Variants in LSAMP observed in about 807,000 individuals in gnomAD.
LSAMP encodes limbic system associated membrane protein.
In LSAMP, 7 loss-of-function variants were observed where a neutral mutation model predicts 38.6. The observed-to-expected ratio is 0.18, with a 90% confidence interval of 0.10 to 0.34. The LOEUF is 0.34. Among genes scored for constraint, LSAMP ranks in the 10% least tolerant of loss-of-function variants. The pLI, the probability that LSAMP is intolerant of heterozygous loss-of-function variation, is 1.00. For synonymous variants in LSAMP, 154 were observed against 166.8 expected (o/e 0.92, Z 0.59); for missense variants, 313 against 420.0 (o/e 0.75, Z 2.23).
At chr3:115,816,126 C>T (rs1210237500) in intron 6 of LSAMP, among the ~76,000 whole-genome samples, 1 of 152,088 alleles carries the variant, frequency 6.6e-6, no homozygotes, top group East Asian at 1.9e-4. Flanking sequence ...TGGCTCTGGT[C>T]TGGGGTTAGA....
At chr3:116,304,311 T>TA (rs2047453604) in intron 1 of LSAMP, among the ~76,000 whole-genome samples, 1 of 152,110 alleles carries the variant, frequency 6.6e-6, no homozygotes, top group South Asian at 2.1e-4. Context: ...TATGTAAAGA[T>TA]ATTGGGCTTG....
chr3:116,411,705 A>G (rs1383238360), intron 1 of LSAMP, among the ~76,000 whole-genome samples: 1 of 151,058 alleles, frequency 6.6e-6, no homozygotes, highest in East Asian at 2.0e-4. Flanking sequence ...GCAGCACACC[A>G]GCATGGCACA....
At chr3:115,898,714 A>G (rs1006600131) in intron 3 of LSAMP, among the ~76,000 whole-genome samples, 2 of 151,946 alleles carry the variant, frequency 1.3e-5, no homozygotes, top group Non-Finnish European at 2.9e-5. Context: ...CTCCCTGGCT[A>G]TGACTGAATC....
chr3:115,930,215 A>G (rs1178563280), intron 3 of LSAMP, among the ~76,000 whole-genome samples: 2 of 152,006 alleles, frequency 1.3e-5, no homozygotes, highest in Admixed American at 1.3e-4. Context: ...TTACCAAAAT[A>G]ACCTCCTTCA....
At chr3:115,830,829 G>A (rs1410213445) in intron 6 of LSAMP, among the ~76,000 whole-genome samples, 3 of 152,126 alleles carry the variant, frequency 2.0e-5, no homozygotes, top group African/African-American at 4.8e-5. Flanking sequence ...TTTCAAGAAT[G>A]TATTACTGGG....
chr3:116,257,456 A>T (rs2046766573), intron 1 of LSAMP, among the ~76,000 whole-genome samples: 1 of 152,156 alleles, frequency 6.6e-6, no homozygotes, highest in African/African-American at 2.4e-5. Flanking sequence ...GCAGTCATAC[A>T]AGATTCAATT....
In LSAMP at chr3:116,297,763, A is replaced by G. The variant is rs183095387; in HGVS notation, c.155+147114T>C. On this transcript the variant is annotated intron_variant, in intron 1 of 6. Transcript: ENST00000490035. ...TCTGTACATTGGTTTATTTGTATGT[A>G]ATAAAAATAAAATAGGTGAAAATTA... Among the ~76,000 whole-genome samples, 55 of 152,366 alleles carry G rather than the reference A, an allele frequency of 3.6e-4. 1 individual carries two copies. Among genetic ancestry groups the G allele is most frequent in the Admixed American group, 1.4e-3 (21 of 15,302 alleles).
chr3:116,186,830 G>A (rs1710630397), intron 1 of LSAMP, among the ~76,000 whole-genome samples: 1 of 152,082 alleles, frequency 6.6e-6, no homozygotes, highest in South Asian at 2.1e-4. Flanking sequence ...AGCAGGGCTT[G>A]CATCAACTGG....
rs778156926 is a variant in LSAMP at position 116,086,553 on chromosome 3, G to A, written c.159C>T (p.Cys53=). 31 of 1,612,790 alleles carry A rather than the reference G, an allele frequency of 1.9e-5. No individual in the cohort carries two copies. Among genetic ancestry groups the A allele is most frequent in the Admixed American group, 8.3e-5 (5 of 59,994 alleles). Residue 53 remains cysteine, a synonymous_variant, in exon 2 of 7, where the codon TGC becomes TGT. Coordinates refer to ENST00000490035, the MANE Select transcript of LSAMP (RefSeq NM_002338.5). ...VRQGDTAILR[C]VVEDKNSKVA... is the part of the protein sequence containing the mutation. ...CCTTTGAGTTCTTGTCTTCTACAAC[G>A]CACCTGACAGAGCAGAGTAACAATA...
At chr3:116,310,038 G>A (rs2047535381) in intron 1 of LSAMP, among the ~76,000 whole-genome samples, 1 of 152,092 alleles carries the variant, frequency 6.6e-6, no homozygotes, top group Admixed American at 6.6e-5. Flanking sequence ...CTTTGGATTT[G>A]ATTCCTCATA....
At chr3:116,301,767 G>T (rs1280614933) in intron 1 of LSAMP, among the ~76,000 whole-genome samples, 9 of 152,176 alleles carry the variant, frequency 5.9e-5, no homozygotes, top group Admixed American at 5.9e-4. Flanking sequence ...ATAAAATTAT[G>T]AGTTTAAAAC....
intron 3 of LSAMP, among the ~76,000 whole-genome samples, chr3:115,876,933 C>G (rs149810070): frequency 1.3e-5 from 2 of 152,118 alleles, no homozygotes; most frequent in East Asian, 3.9e-4. Flanking sequence ...ACTGTCCACA[C>G]TCTCTCCCCT....
intron 3 of LSAMP, among the ~76,000 whole-genome samples, chr3:115,917,554 T>C (rs1937278926): frequency 6.6e-6 from 1 of 152,126 alleles, no homozygotes; most frequent in South Asian, 2.1e-4. Context: ...TTTTTCAGCA[T>C]CCCTAAAGGT....
intron 6 of LSAMP, among the ~76,000 whole-genome samples, chr3:115,827,938 T>C (rs1395564344): frequency 1.3e-5 from 2 of 152,208 alleles, no homozygotes; most frequent in Non-Finnish European, 1.5e-5. Flanking sequence ...TTTTTTAGTT[T>C]AATACCTACA....
rs532156003 is a variant in LSAMP at position 116,422,593 on chromosome 3, A to G, written c.155+22284T>C. Among the ~76,000 whole-genome samples the G allele has an allele frequency of 2.0e-4, 31 of 152,292 alleles. No individual in the cohort carries two copies. The South Asian group carries it at 4.3e-3, about 21-fold the overall frequency. ...AGGTTGCCCAGAGTCTGGAGTACAA[A>G]TGGGGACTGACTAAAGGTGGGCATG... On this transcript the variant is annotated intron_variant, in intron 1 of 6. Transcript: ENST00000490035.
intron 6 of LSAMP, 139 bp downstream of exon 6, chr3:115,841,706 C>A (rs1042442464): frequency 3.8e-5 from 32 of 847,738 alleles, no homozygotes; most frequent in Non-Finnish European, 8.7e-6. Context: ...GAGTTGAGAA[C>A]CCTGTATTTT....
chr3:116,280,015 C>T (rs1452098992), intron 1 of LSAMP, among the ~76,000 whole-genome samples: 1 of 151,934 alleles, frequency 6.6e-6, no homozygotes, highest in Non-Finnish European at 1.5e-5. Context: ...CAGGCATTTA[C>T]ATGGGATTAT....
At chr3:116,008,243 T>C (rs1940221783) in intron 3 of LSAMP, among the ~76,000 whole-genome samples, 1 of 152,206 alleles carries the variant, frequency 6.6e-6, no homozygotes, top group Non-Finnish European at 1.5e-5. Flanking sequence ...ATTATTCATG[T>C]TTTACAGACG....
At chr3:116,182,485 T>C (rs1407915193) in intron 1 of LSAMP, among the ~76,000 whole-genome samples, 1 of 151,508 alleles carries the variant, frequency 6.6e-6, no homozygotes, top group Non-Finnish European at 1.5e-5. Context: ...AAACAAGCAA[T>C]TAGAGCATCA....
Sources: gnomAD v4.1 joint callset for allele counts (sites outside exome capture counted in the v4.1 genomes callset) on GRCh38, gnomAD v4.1.1 for gene constraint, MANE v1.5 for transcripts, NCBI Gene and HGNC (gene_info 2026-07-23, HGNC 2026-07-21) for gene names.